CHST11: variants seen among roughly 807,000 people sequenced by gnomAD.
CHST11 encodes C4S-1.
CHST11 carries 9 observed loss-of-function variants against 30.4 expected under a neutral mutation model. The ratio of observed to expected loss-of-function variants is 0.30; its 90% CI spans 0.18 to 0.52. CHST11 has a LOEUF of 0.52. CHST11 is among the 20% of genes least tolerant of loss of function. CHST11 has a pLI of 0.97. For missense variants in CHST11, 348 were observed against 460.6 expected (o/e 0.76, Z 2.24); for synonymous variants, 152 against 187.8 (o/e 0.81, Z 1.56).
At chr12:104,637,360 T>G (rs1464758791) in intron 2 of CHST11, among the ~76,000 whole-genome samples, 3 of 108,300 alleles carry the variant, frequency 2.8e-5, no homozygotes, top group Non-Finnish European at 3.7e-5. Flanking sequence ...GGGGGAGGGA[T>G]AGCATTAGGA....
intron 2 of CHST11, among the ~76,000 whole-genome samples, chr12:104,602,578 C>G (rs574793986): frequency 6.6e-6 from 1 of 152,358 alleles, no homozygotes; most frequent in East Asian, 1.9e-4. Context: ...GGAAAAGTGT[C>G]TTCTGTGGAA....
chr12:104,588,892 G>A (rs1436451388), intron 1 of CHST11: 1 of 152,188 alleles, frequency 6.6e-6, no homozygotes. Context: ...GAGTCACGGT[G>A]GCCAGAAGGT....
chr12:104,567,293 C>T (rs917538376), intron 1 of CHST11, among the ~76,000 whole-genome samples: 1 of 152,128 alleles, frequency 6.6e-6, no homozygotes, highest in African/African-American at 2.4e-5. Context: ...TTTTGCTAGG[C>T]AAGGAGGTGC....
intron 2 of CHST11, among the ~76,000 whole-genome samples, chr12:104,708,701 G>A (rs1246707119): frequency 2.6e-5 from 4 of 152,116 alleles, no homozygotes; most frequent in South Asian, 2.1e-4. Context: ...TGACAGGGAC[G>A]CTCTCTAGAA....
intron 1 of CHST11, among the ~76,000 whole-genome samples, chr12:104,464,857 A>G (rs2037443621): frequency 6.6e-6 from 1 of 152,358 alleles, no homozygotes; most frequent in African/African-American, 2.4e-5. Context: ...GATGAAATGG[A>G]TCAGCGCTCT....
At chr12:104,548,983 T>C (rs11613208) in intron 1 of CHST11, among the ~76,000 whole-genome samples, 71,390 of 152,092 alleles carry the variant, frequency 0.47, 17,217 homozygotes, top group Middle Eastern at 0.68. Flanking sequence ...CCACTCCAAA[T>C]ATCATAAATT....
chr12:104,488,724 TGTGTGTATGTGTACGC>T (rs1424629347), intron 1 of CHST11, among the ~76,000 whole-genome samples: 4 of 141,186 alleles, frequency 2.8e-5, no homozygotes, highest in African/African-American at 8.2e-5. Flanking sequence ...TGTGCGTGTA[TGTGTGTATGTGTACGC>T]GTGTGTGTGT....
chr12:104,718,764 G>A (rs2136124969), intron 2 of CHST11, among the ~76,000 whole-genome samples: 1 of 152,284 alleles, frequency 6.6e-6, no homozygotes, highest in South Asian at 2.1e-4. Context: ...TGCAATGCTT[G>A]CGAGAGTAAA....
chr12:104,542,717 A>G (rs866287160), intron 1 of CHST11, among the ~76,000 whole-genome samples: 57 of 152,214 alleles, frequency 3.7e-4, no homozygotes, highest in African/African-American at 5.8e-4. Flanking sequence ...GGGAAGACCT[A>G]TTTTTCACTG....
At chr12:104,711,814 A>C (rs1453035019) in intron 2 of CHST11, among the ~76,000 whole-genome samples, 1 of 152,242 alleles carries the variant, frequency 6.6e-6, no homozygotes, top group Non-Finnish European at 1.5e-5. Flanking sequence ...CCTGGGGCTC[A>C]GGATTTTACA....
chr12:104,698,924 T>C (rs2039970158), intron 2 of CHST11, among the ~76,000 whole-genome samples: 1 of 152,236 alleles, frequency 6.6e-6, no homozygotes. Context: ...TTGTCTTTAA[T>C]TCTGACGTAG....
chr12:104,657,947 AT>A (rs2136086094), intron 2 of CHST11, among the ~76,000 whole-genome samples: 1 of 152,056 alleles, frequency 6.6e-6, no homozygotes, highest in East Asian at 1.9e-4. Context: ...ACGGAGGGGG[AT>A]TTTGAAGGTA....
chr12:104,468,883 G>A (rs1380820352), intron 1 of CHST11, among the ~76,000 whole-genome samples: 1 of 152,162 alleles, frequency 6.6e-6, no homozygotes, highest in Admixed American at 6.5e-5. Context: ...GAAGTTAGAT[G>A]TGAAAATGCA....
At chr12:104,473,011 T>C (rs986359492) in intron 1 of CHST11, among the ~76,000 whole-genome samples, 5 of 152,118 alleles carry the variant, frequency 3.3e-5, no homozygotes, top group Admixed American at 6.5e-5. Flanking sequence ...CCTGGATGGC[T>C]CTGAATGCTC....
chr12:104,724,048 T>C (rs541616808), intron 2 of CHST11, among the ~76,000 whole-genome samples: 1 of 152,188 alleles, frequency 6.6e-6, no homozygotes, highest in Non-Finnish European at 1.5e-5. Flanking sequence ...GAGTGTGATA[T>C]GATCTGACAT....
intron 1 of CHST11, among the ~76,000 whole-genome samples, chr12:104,542,036 A>G (rs879567798): frequency 6.6e-5 from 10 of 152,248 alleles, no homozygotes; most frequent in Non-Finnish European, 1.0e-4. Context: ...CATTTTTAAC[A>G]TCTTGGATGT....
chr12:104,461,218 C>T (rs572060439), intron 1 of CHST11, among the ~76,000 whole-genome samples: 1 of 152,258 alleles, frequency 6.6e-6, no homozygotes, highest in Non-Finnish European at 1.5e-5. Context: ...GAGGTGTAGG[C>T]AGCTGAGGCA....
intron 1 of CHST11, among the ~76,000 whole-genome samples, chr12:104,548,753 T>C (rs2038376579): frequency 6.6e-6 from 1 of 152,194 alleles, no homozygotes; most frequent in Non-Finnish European, 1.5e-5. Context: ...GTGTCATTCC[T>C]TAGGGCAGGG....
intron 2 of CHST11, among the ~76,000 whole-genome samples, chr12:104,718,826 G>A (rs527918178): frequency 1.3e-4 from 20 of 152,302 alleles, no homozygotes; most frequent in African/African-American, 4.3e-4. Context: ...TCCGGTGGAC[G>A]AGAGTGGAGT....
Sources: gnomAD v4.1 joint callset for allele counts (sites outside exome capture counted in the v4.1 genomes callset) on GRCh38, gnomAD v4.1.1 for gene constraint, MANE v1.5 for transcripts, NCBI Gene and HGNC (gene_info 2026-07-23, HGNC 2026-07-21) for gene names.